The following COL4A6 variants were observed in gnomAD, a reference collection of about 807,000 sequenced individuals.
COL4A6 encodes the protein collagen alpha-6(IV) chain.
A neutral mutation model predicts 126.7 loss-of-function variants in COL4A6; 59 were observed. That is an observed-to-expected ratio of 0.47 (90% CI 0.38 to 0.58). COL4A6 has a LOEUF of 0.58. Ranked by LOEUF, COL4A6 falls within the 20% of genes least tolerant of loss-of-function variation. The pLI is 0.00. For synonymous variants in COL4A6, 547 were observed against 496.6 expected (o/e 1.10, Z -1.35); for missense variants, 1,285 against 1,337.3 (o/e 0.96, Z 0.61).
In COL4A6 at chrX:108,277,556, G is replaced by A. The variant is rs2037647061; in HGVS notation, c.144+33192C>T. 7.1e-5 allele frequency among the ~76,000 whole-genome samples: 8 copies of A among 112,473 alleles called. No individual in the cohort carries two copies. In the South Asian group the frequency reaches 2.6e-3, roughly 36 times the overall value. ...CTGCCTCTGTAGGCTCCACCTCTGG[G>A]GGCAGGGCACAAACAAACAAAAAGA... On this transcript the variant is annotated intron_variant, in intron 3 of 44. Transcript: ENST00000334504.
In COL4A6 at chrX:108,412,422, A is replaced by G. The variant is rs1212443161; in HGVS notation, c.63+25520T>C. 4.5e-5 allele frequency among the ~76,000 whole-genome samples: 5 copies of G among 111,752 alleles called. No individual in the cohort carries two copies. The Admixed American group carries it at 4.8e-4, about 11-fold the overall frequency. On this transcript the variant is annotated intron_variant, in intron 2 of 44. Coordinates refer to ENST00000334504, the MANE Select transcript of COL4A6 (RefSeq NM_033641.4). ...ATAGTCTCTCACGCTTAACAAGTCT[A>G]AACTTATTGTGCAAAGACGCATTCT...
At chrX:108,417,113 T>A (rs778309910) in intron 2 of COL4A6, among the ~76,000 whole-genome samples, 20 of 111,681 alleles carry the variant, frequency 1.8e-4, no homozygotes, top group Non-Finnish European at 2.8e-4. Flanking sequence ...GCTGATGAAG[T>A]ATTGATACTG....
Position 108,204,359 on chromosome X carries a change from C to A in COL4A6, c.741G>T (p.Leu247=). ...PAGPPPSTGE[L]EFMGFPKGKK... is the part of the protein sequence containing the mutation. The stretch of plus-strand genomic sequence containing the variant: ...TCCCTTTGGGGAATCCCATGAATTC[C>A]AGCTCTCCAGTAGATGGTGGAGGTC... Residue 247 remains leucine, a synonymous_variant, in exon 12 of 45, where the codon CTG becomes CTT. Transcript: ENST00000334504. 1 of 1,203,192 alleles carries A rather than the reference C, an allele frequency of 8.3e-7. No individual in the cohort carries two copies.
chrX:108,397,811 A>T (rs776892804), intron 2 of COL4A6, among the ~76,000 whole-genome samples: 2 of 111,810 alleles, frequency 1.8e-5, no homozygotes, highest in Non-Finnish European at 3.8e-5. Context: ...GTGCAAACAC[A>T]TCTTTCTATA....
rs1040902381 is a variant in COL4A6 at position 108,174,560 on chromosome X, T to C, written c.3018A>G (p.Pro1006=). 1 of 1,205,127 alleles carries C rather than the reference T, an allele frequency of 8.3e-7. No individual in the cohort carries two copies. The highest frequency in any genetic ancestry group is 1.8e-5 in the African/African-American group (1 of 56,811). Residue 1006 remains proline, a synonymous_variant, in exon 31 of 45, where the codon CCA becomes CCG. Coordinates refer to ENST00000334504, the MANE Select transcript of COL4A6 (RefSeq NM_033641.4). ...PPGLPGAPGL[P]GIIKGVSGKP... ...TTCCACTAACTCCTTTGATAATGCC[T>C]GGGAGGCCAGGAGCTCCAGGTAGGC...
intron 3 of COL4A6, among the ~76,000 whole-genome samples, chrX:108,251,497 T>C (rs1391410646): frequency 8.9e-6 from 1 of 111,891 alleles, no homozygotes; most frequent in African/African-American, 3.2e-5. Flanking sequence ...CCCCTTGTTA[T>C]AATCTCTAAT....
At chrX:108,360,661 C>T (rs960599514) in intron 2 of COL4A6, among the ~76,000 whole-genome samples, 1 of 109,002 alleles carries the variant, frequency 9.2e-6, no homozygotes, top group African/African-American at 3.4e-5. Context: ...CTCAGCCTCC[C>T]GAGTAGCTGG....
intron 6 of COL4A6, among the ~76,000 whole-genome samples, chrX:108,212,626 C>T (rs998351308): frequency 9.0e-6 from 1 of 111,188 alleles, no homozygotes; most frequent in Non-Finnish European, 1.9e-5. Context: ...AAAACAACAA[C>T]GTGATCCCAG....
chrX:108,164,934 T>C lies in COL4A6; in HGVS notation c.3913A>G (p.Lys1305Glu), dbSNP rs755374057. 1.7e-6 allele frequency: 2 copies of C among 1,209,675 alleles called. No individual in the cohort carries two copies. The highest frequency in any genetic ancestry group is 4.4e-5 in the Admixed American group (2 of 45,803). The change falls in exon 39 of 45, where the codon AAG becomes GAG. Residue 1305 changes from lysine to glutamate, a missense_variant. Transcript: ENST00000334504. ...FPGIPGPKGPKGDQGIPGFSG... is the reference protein window; with the variant it reads ...FPGIPGPKGPEGDQGIPGFSG... Reference sequence around the variant, plus strand: ...AAACCTGGAATTCCTTGGTCTCCCTTAGGCCCTTTAGGTCCAGGAATTCCA... The same window carrying C: ...AAACCTGGAATTCCTTGGTCTCCCTCAGGCCCTTTAGGTCCAGGAATTCCA...
intron 23 of COL4A6, among the ~76,000 whole-genome samples, chrX:108,182,339 T>C (rs992238527): frequency 8.9e-6 from 1 of 112,394 alleles, no homozygotes; most frequent in Non-Finnish European, 1.9e-5. Flanking sequence ...GAATGAGTAC[T>C]CAGTAGAGCT....
chrX:108,228,610 T>C (rs2036229562), intron 3 of COL4A6, among the ~76,000 whole-genome samples: 1 of 112,351 alleles, frequency 8.9e-6, no homozygotes, highest in South Asian at 3.7e-4. Flanking sequence ...CTTATAATCA[T>C]GGCAGAAGGG....
intron 2 of COL4A6, among the ~76,000 whole-genome samples, chrX:108,317,909 G>A (rs1382858368): frequency 1.8e-5 from 2 of 111,068 alleles, no homozygotes; most frequent in African/African-American, 6.5e-5. Context: ...TTGGTGATGC[G>A]GGCTCTTTTT....
At chrX:108,222,094 G>A (rs758111526) in intron 3 of COL4A6, among the ~76,000 whole-genome samples, 3 of 112,639 alleles carry the variant, frequency 2.7e-5, no homozygotes, top group East Asian at 5.6e-4. Flanking sequence ...TAGCAAGAGG[G>A]AACAGCCTGA....
rs375517247 is a variant in COL4A6 at position 108,203,124 on chromosome X, C to G, written c.781-143G>C. On this transcript the variant is annotated intron_variant, in intron 12 of 44. Transcript: ENST00000334504. ...GGTAGCAGAGAGTGGTGCAGATTCC[C>G]CAGGCTCCCTAACTAGCAGCTGTAC... The G allele has an allele frequency of 1.8e-5, 9 of 493,368 alleles. No individual in the cohort carries two copies. In the East Asian group the frequency reaches 2.1e-4, roughly 12 times the overall value. 40.7% of individuals were successfully genotyped at this position (493,368 alleles called of 1,213,427 possible).
At chrX:108,423,769 A>G (rs2064024900) in intron 2 of COL4A6, among the ~76,000 whole-genome samples, 1 of 111,899 alleles carries the variant, frequency 8.9e-6, no homozygotes, top group South Asian at 3.8e-4. Context: ...TGTATCCTAT[A>G]TATCTAACAT....
At position 108,159,470 on chromosome X, in the gene COL4A6, AAG is replaced by A; in HGVS notation, c.4802_4803del (p.Ser1601PhefsTer68). 1 of 1,211,980 alleles carries A rather than the reference AAG, an allele frequency of 8.3e-7. No homozygotes were observed. Among genetic ancestry groups the A allele is most frequent in the East Asian group, 3.0e-5 (1 of 33,848 alleles). On this transcript the variant is annotated frameshift_variant, in exon 44 of 45. Transcript: ENST00000334504. LOFTEE classifies it high-confidence loss of function. ...LGWRSLWIGY[S>X]FLMHTAAGAE... ...ACAGTGCAGGACCTTACCATGAGGA[AAG>A]AGTACCCAATCCAGAGGCTGCGCCA...
intron 3 of COL4A6, among the ~76,000 whole-genome samples, chrX:108,231,174 T>C (rs1013182009): frequency 2.7e-5 from 3 of 112,068 alleles, no homozygotes; most frequent in Non-Finnish European, 5.6e-5. Flanking sequence ...AGCTAATAAA[T>C]AGTATCAGAG....
intron 23 of COL4A6, among the ~76,000 whole-genome samples, chrX:108,186,324 G>A (rs776018381): frequency 8.9e-6 from 1 of 111,757 alleles, no homozygotes; most frequent in African/African-American, 3.2e-5. Context: ...GAAAAACTAG[G>A]CATGAGATAA....
At position 108,187,862 on chromosome X, in the gene COL4A6, G is replaced by GACCTGGTAA. The variant is rs1569340631; in HGVS notation, c.1744_1752dup (p.Leu588_Gly590dup). 8.3e-7 allele frequency: 1 copy of GACCTGGTAA among 1,205,554 alleles called. No individual in the cohort carries two copies. The highest frequency in any genetic ancestry group is 3.0e-5 in the East Asian group (1 of 33,736). On this transcript the variant is annotated inframe_insertion, in exon 22 of 45. Coordinates refer to ENST00000334504, the MANE Select transcript of COL4A6 (RefSeq NM_033641.4). Reference sequence around the variant, plus strand: ...GATCAACTTACCGGAAGGCCTGGCAGACCTGGTAAACCTGGTACTCCGTCC... The same window carrying GACCTGGTAA: ...GATCAACTTACCGGAAGGCCTGGCAGACCTGGTAAACCTGGTAAACCTGGTACTCCGTCC...
Sources: allele counts gnomAD v4.1 joint callset (sites outside exome capture counted in the v4.1 genomes callset), GRCh38; gene constraint gnomAD v4.1.1; transcripts MANE v1.5; gene names NCBI Gene and HGNC (gene_info 2026-07-23, HGNC 2026-07-21).